TRMO: variants seen among roughly 807,000 people sequenced by gnomAD.
The protein encoded by TRMO is tRNA methyltransferase O.
Under a neutral mutation model 37.2 loss-of-function variants are expected in TRMO, and 30 were observed. That is an observed-to-expected ratio of 0.81 (90% CI 0.60 to 1.09). The LOEUF (loss-of-function observed/expected upper bound fraction) is 1.09. Among genes scored for constraint, TRMO ranks in the 50% least tolerant of loss-of-function variants. The pLI, the probability that TRMO is intolerant of heterozygous loss-of-function variation, is 0.00. For missense variants in TRMO, 552 were observed against 549.5 expected (o/e 1.00, Z -0.05); for synonymous variants, 239 against 199.4 (o/e 1.20, Z -1.67).
At chr9:97,912,743 T>C (rs1826180221) in intron 3 of TRMO, 1 of 372,362 alleles carries the variant, frequency 2.7e-6, no homozygotes, top group South Asian at 2.0e-5. Context: ...TGACTCCTAG[T>C]TTACCTGCCA....
At position 97,910,550 on chromosome 9, in the gene TRMO, T is replaced by C. The variant is rs751180435; in HGVS notation, c.476A>G (p.Tyr159Cys). The C allele has an allele frequency of 6.8e-6, 11 of 1,614,054 alleles. No homozygotes were observed. Among genetic ancestry groups the C allele is most frequent in the Admixed American group, 3.3e-5 (2 of 60,006 alleles). The change falls in exon 4 of 5, where the codon TAC becomes TGC. Residue 159 changes from tyrosine (Y) to cysteine (C), a missense_variant. By Grantham distance (194) the Tyr-to-Cys change is radical. Transcript: ENST00000375119. ...HGTPVLDIKP[Y>C]IAEYDSPQNV... The stretch of plus-strand genomic sequence containing the variant: ...TTGCGGTGAGTCATACTCAGCTATG[T>C]AGGGCTTGATGTCTAGTACGGGTGT...
chr9:97,919,643 C>T (rs893981217), intron 1 of TRMO, among the ~76,000 whole-genome samples: 1 of 152,172 alleles, frequency 6.6e-6, no homozygotes, highest in Non-Finnish European at 1.5e-5. Flanking sequence ...AAGACTTCTG[C>T]CCTTGACTCT....
the TRMO span, among the ~76,000 whole-genome samples, chr9:97,897,853 A>AC: frequency 6.6e-6 from 1 of 151,630 alleles, no homozygotes; most frequent in Non-Finnish European, 1.5e-5. Context: ...TACTTTAAAA[A>AC]ATTTTTTTTA....
intron 1 of TRMO, 43 bp downstream of exon 1, chr9:97,922,375 C>G: frequency 7.2e-7 from 1 of 1,387,928 alleles, no homozygotes; most frequent in Non-Finnish European, 1.0e-6. Context: ...CTGCCTGGGC[C>G]TAAACCTCTC....
chr9:97,903,452 G>C (rs1303532262), downstream of TRMO, among the ~76,000 whole-genome samples: 1 of 152,148 alleles, frequency 6.6e-6, no homozygotes, highest in Non-Finnish European at 1.5e-5. Context: ...ATTTCAATCA[G>C]CTCATTTCGA....
chr9:97,902,127 C>T (rs1029456272), downstream of TRMO, among the ~76,000 whole-genome samples: 1 of 152,048 alleles, frequency 6.6e-6, no homozygotes. Flanking sequence ...GTGGATCTCA[C>T]GTTCAGGAAG....
intron 4 of TRMO, among the ~76,000 whole-genome samples, chr9:97,905,669 T>A (rs1359585067): frequency 1.3e-5 from 2 of 152,186 alleles, no homozygotes; most frequent in Admixed American, 1.3e-4. Flanking sequence ...ATCACATACA[T>A]CCAAATGCCC....
intron 4 of TRMO, among the ~76,000 whole-genome samples, chr9:97,909,706 T>C (rs970879850): frequency 2.6e-5 from 4 of 152,336 alleles, no homozygotes; most frequent in African/African-American, 7.2e-5. Context: ...CTGTAAGTCA[T>C]AGGCCACCTT....
intron 1 of TRMO, 45 bp downstream of exon 1, chr9:97,922,373 G>A (rs1278281470): frequency 1.5e-6 from 2 of 1,346,804 alleles, no homozygotes; most frequent in Non-Finnish European, 2.1e-6. Flanking sequence ...CGCTGCCTGG[G>A]CCTAAACCTC....
At position 97,910,350 on chromosome 9, in the gene TRMO, TTC is replaced by T. The variant is rs983876205; in HGVS notation, c.674_675del (p.Arg225AsnfsTer11). ...TGTGTCAGGTAGTTTTCTTCTGAAG[TTC>T]TGTCTTCAGGACATTTAGGTTTCCT... ...TKRKPKCPED[R>X]TSEENYLTHS... On this transcript the variant is annotated frameshift_variant, in exon 4 of 5. Coordinates refer to ENST00000375119, the MANE Select transcript of TRMO (RefSeq NM_016481.5). LOFTEE classifies it high-confidence loss of function. 2 of 1,614,228 alleles carry T rather than the reference TTC, an allele frequency of 1.2e-6. No individual in the cohort carries two copies. Among genetic ancestry groups the T allele is most frequent in the African/African-American group, 2.7e-5 (2 of 75,064 alleles).
chr9:97,910,528 C>T lies in TRMO; in HGVS notation c.498G>A (p.Pro166=), dbSNP rs571150996. 9 of 1,614,146 alleles carry T rather than the reference C, an allele frequency of 5.6e-6. No homozygotes were observed. Among genetic ancestry groups the T allele is most frequent in the East Asian group, 2.2e-5 (1 of 44,878 alleles). ...CTGCTAAAGGCTCCATCACATTTTG[C>T]GGTGAGTCATACTCAGCTATGTAGG... ...IKPYIAEYDS[P]QNVMEPLADF... is the part of the protein sequence containing the mutation. The change falls in exon 4 of 5, where the codon CCG becomes CCA. Residue 166 remains proline, a synonymous_variant. Coordinates refer to ENST00000375119, the MANE Select transcript of TRMO (RefSeq NM_016481.5).
Position 97,916,163 on chromosome 9 carries a change from C to A in TRMO, c.251+1G>T, listed in dbSNP as rs1426979131. 3 of 1,581,634 alleles carry A rather than the reference C, an allele frequency of 1.9e-6. No homozygotes were observed. The highest frequency in any genetic ancestry group is 2.6e-6 in the Non-Finnish European group (3 of 1,165,726). On this transcript the variant is annotated splice_donor_variant, in intron 2 of 4. Coordinates refer to ENST00000375119, the MANE Select transcript of TRMO (RefSeq NM_016481.5). LOFTEE classifies it high-confidence loss of function. ...CTACATCTAACTATAAAGCAACTTA[C>A]CAAACATGAGAAAACTGTTCTAGGC...
At chr9:97,913,332 G>C in intron 3 of TRMO, 69 bp downstream of exon 3, 1 of 1,584,438 alleles carries the variant, frequency 6.3e-7, no homozygotes, top group Non-Finnish European at 8.6e-7. Context: ...AGCCAGTGGT[G>C]AATGCTGTTT....
chr9:97,904,418 C>A, downstream of TRMO: 1 of 1,014,554 alleles, frequency 9.9e-7, no homozygotes, highest in Non-Finnish European at 1.2e-6. Flanking sequence ...AAAGTCTCTG[C>A]TGGAATGAAC....
chr9:97,909,620 G>A (rs1826015727), intron 4 of TRMO, among the ~76,000 whole-genome samples: 1 of 152,190 alleles, frequency 6.6e-6, no homozygotes, highest in South Asian at 2.1e-4. Context: ...ATGTACATAA[G>A]TATAGAACAA....
rs1826059263 is a variant in TRMO, at chr9:97,910,359, C to T, written c.667G>A (p.Glu223Lys). The T allele has an allele frequency of 9.3e-6, 15 of 1,614,102 alleles. No homozygotes were observed. The highest frequency in any genetic ancestry group is 1.2e-5 in the Non-Finnish European group (14 of 1,180,054). Residue 223 changes from glutamate to lysine, a missense_variant, in exon 4 of 5, where the codon GAA becomes AAA. Glu to Lys is a moderately conservative substitution (Grantham distance 56). Transcript: ENST00000375119. ...HSTKRKPKCP[E>K]DRTSEENYLT... ...TAGTTTTCTTCTGAAGTTCTGTCTT[C>T]AGGACATTTAGGTTTCCTCTTAGTG... is the stretch of plus-strand genomic sequence containing the variant.
chr9:97,917,885 T>C (rs1199826652), intron 1 of TRMO, among the ~76,000 whole-genome samples: 1 of 149,374 alleles, frequency 6.7e-6, no homozygotes, highest in African/African-American at 2.5e-5. Context: ...TTTTACCATG[T>C]TGGCCAGGCT....
downstream of TRMO, among the ~76,000 whole-genome samples, chr9:97,904,214 C>CAT (rs1034350895): frequency 4.6e-5 from 7 of 152,010 alleles, no homozygotes; most frequent in African/African-American, 1.7e-4. Context: ...AATATATATA[C>CAT]ATATATATAT....
At chr9:97,911,292 A>G (rs908904626) in intron 3 of TRMO, 6 of 160,096 alleles carry the variant, frequency 3.7e-5, no homozygotes, top group African/African-American at 1.4e-4. Flanking sequence ...CTCTCCTTGA[A>G]GGCTTGCTGA....
Sources: allele counts gnomAD v4.1 joint callset (sites outside exome capture counted in the v4.1 genomes callset), GRCh38; gene constraint gnomAD v4.1.1; transcripts MANE v1.5; gene names NCBI Gene and HGNC (gene_info 2026-07-23, HGNC 2026-07-21).